Variants in RIMS2 observed in about 807,000 individuals in gnomAD.
RIMS2 encodes regulating synaptic membrane exocytosis 2, also known as regulating synaptic membrane exocytosis protein 2.
RIMS2 carries 59 observed loss-of-function variants against 174.4 expected under a neutral mutation model. The ratio of observed to expected loss-of-function variants is 0.34; its 90% CI spans 0.27 to 0.42. The LOEUF (loss-of-function observed/expected upper bound fraction) is 0.42. Ranked by LOEUF, RIMS2 falls within the 10% of genes least tolerant of loss-of-function variation. The probability of loss-of-function intolerance (pLI) is 1.00; values close to 1 mark genes in which losing one functional copy is unlikely to be tolerated. For synonymous variants in RIMS2, 606 were observed against 572.5 expected (o/e 1.06, Z -0.84); for missense variants, 1,620 against 1,666.3 (o/e 0.97, Z 0.48).
chr8:103,813,949 G>A (rs1263029695), intron 3 of RIMS2, among the ~76,000 whole-genome samples: 3 of 152,090 alleles, frequency 2.0e-5, no homozygotes, highest in Non-Finnish European at 2.9e-5. Context: ...ACATGCACTC[G>A]TATGTTCATT....
chr8:103,506,946 GACTT>G (rs1823969325), intron 1 of RIMS2, among the ~76,000 whole-genome samples: 1 of 152,098 alleles, frequency 6.6e-6, no homozygotes, highest in Non-Finnish European at 1.5e-5. Flanking sequence ...GAATTGAGGG[GACTT>G]ACTTGTGGAA....
At chr8:104,012,416 T>C (rs952519019) in intron 17 of RIMS2, among the ~76,000 whole-genome samples, 1 of 151,730 alleles carries the variant, frequency 6.6e-6, no homozygotes, top group Admixed American at 6.6e-5. Context: ...AGATAACTTA[T>C]AGGTAAAGTG....
chr8:103,856,825 GAGA>G (rs2099030026), intron 3 of RIMS2, among the ~76,000 whole-genome samples: 1 of 146,326 alleles, frequency 6.8e-6, no homozygotes, highest in Admixed American at 6.8e-5. Context: ...TTTTTTCTTT[GAGA>G]AGGAGTCTCG....
At chr8:103,503,633 A>T (rs960929602) in intron 1 of RIMS2, among the ~76,000 whole-genome samples, 1 of 152,030 alleles carries the variant, frequency 6.6e-6, no homozygotes, top group African/African-American at 2.4e-5. Flanking sequence ...TTTAACATTT[A>T]TGTTAAAAAA....
intron 19 of RIMS2, among the ~76,000 whole-genome samples, chr8:104,069,708 T>C (rs1301264580): frequency 1.3e-5 from 2 of 152,030 alleles, no homozygotes; most frequent in Admixed American, 1.3e-4. Flanking sequence ...GACCTGGCGA[T>C]CCGCCTGCCT....
chr8:103,902,551 C>A (rs2073382125), intron 4 of RIMS2, among the ~76,000 whole-genome samples: 1 of 152,010 alleles, frequency 6.6e-6, no homozygotes, highest in African/African-American at 2.4e-5. Context: ...CATAATATAC[C>A]CTATATATGA....
chr8:103,647,225 C>T (rs951091585), intron 1 of RIMS2, among the ~76,000 whole-genome samples: 4 of 152,090 alleles, frequency 2.6e-5, no homozygotes, highest in African/African-American at 4.8e-5. Context: ...CTGCTGGATT[C>T]GGTTTGCCAG....
chr8:103,840,970 C>T (rs2098936267), intron 3 of RIMS2, among the ~76,000 whole-genome samples: 1 of 152,076 alleles, frequency 6.6e-6, no homozygotes, highest in South Asian at 2.1e-4. Flanking sequence ...AAGCTTCCTG[C>T]ATCAGTGAAG....
At chr8:104,037,199 A>C (rs2154557133) in intron 19 of RIMS2, among the ~76,000 whole-genome samples, 1 of 152,272 alleles carries the variant, frequency 6.6e-6, no homozygotes, top group Non-Finnish European at 1.5e-5. Flanking sequence ...TGTATCACTG[A>C]GGTCCTCCTA....
intron 3 of RIMS2, among the ~76,000 whole-genome samples, chr8:103,777,236 A>G (rs2098328482): frequency 6.6e-6 from 1 of 152,068 alleles, no homozygotes; most frequent in Admixed American, 6.6e-5. Flanking sequence ...GAATTATAAG[A>G]AAAAAGGAGG....
intron 19 of RIMS2, among the ~76,000 whole-genome samples, chr8:104,135,029 T>C (rs2098506745): frequency 6.6e-6 from 1 of 152,192 alleles, no homozygotes. Flanking sequence ...TTGAAATTCA[T>C]GAAGTTTTTT....
chr8:103,944,467 T>C (rs561733892), intron 14 of RIMS2, among the ~76,000 whole-genome samples: 75 of 152,168 alleles, frequency 4.9e-4, no homozygotes, highest in African/African-American at 1.8e-3. Flanking sequence ...CATCTTCTTT[T>C]CATTCGGGAC....
At chr8:103,600,834 T>G (rs2094701337) in intron 1 of RIMS2, among the ~76,000 whole-genome samples, 1 of 152,172 alleles carries the variant, frequency 6.6e-6, no homozygotes, top group Non-Finnish European at 1.5e-5. Context: ...AGGGTTCCCT[T>G]TTTTTTCACA....
chr8:103,703,926 G>T (rs1372863686), intron 2 of RIMS2, among the ~76,000 whole-genome samples: 1 of 151,962 alleles, frequency 6.6e-6, no homozygotes, highest in East Asian at 1.9e-4. Context: ...TGTGTTATCT[G>T]TGTAAAAGTC....
chr8:104,224,651 A>G (rs1053383239), intron 19 of RIMS2, among the ~76,000 whole-genome samples: 5 of 152,274 alleles, frequency 3.3e-5, no homozygotes, highest in South Asian at 2.1e-4. Flanking sequence ...CTATTTTTGT[A>G]AATAACAGGG....
Position 103,768,163 on chromosome 8 carries a change from G to GA in RIMS2, c.698+1633dup, listed in dbSNP as rs201240344. The stretch of plus-strand genomic sequence containing the variant: ...GGCAGTTATAATGGTCAAGGTATAT[G>GA]AAAAAAATAGATAACCAGTGGAGAT... On this transcript the variant is annotated intron_variant, in intron 3 of 23. Coordinates refer to ENST00000504942, the Ensembl canonical transcript of RIMS2. The GA allele has an allele frequency of 2.4e-3, 846 of 348,042 alleles. 11 individuals carry two copies. Among genetic ancestry groups the GA allele is most frequent in the African/African-American group, 0.014 (667 of 47,130 alleles). The allele number at this position is 348,042 out of a possible 1,614,324, so 21.6% of individuals were successfully genotyped here. A position where few individuals can be genotyped will look rare whatever the true frequency, so the allele number is the denominator to read the frequency against.
intron 2 of RIMS2, among the ~76,000 whole-genome samples, chr8:103,745,242 G>A (rs1309072108): frequency 6.6e-6 from 1 of 152,026 alleles, no homozygotes; most frequent in Non-Finnish European, 1.5e-5. Flanking sequence ...GGAGTTATCT[G>A]TACTGGACAT....
intron 1 of RIMS2, among the ~76,000 whole-genome samples, chr8:103,511,341 T>C (rs1826342263): frequency 6.6e-6 from 1 of 152,202 alleles, no homozygotes; most frequent in African/African-American, 2.4e-5. Context: ...AATATTTTCA[T>C]ATGCAGTATT....
intron 19 of RIMS2, among the ~76,000 whole-genome samples, chr8:104,216,765 A>G (rs2099131791): frequency 6.6e-6 from 1 of 152,212 alleles, no homozygotes; most frequent in Non-Finnish European, 1.5e-5. Flanking sequence ...CTACAGCGTG[A>G]GCTTCATGAA....
Sources: allele counts gnomAD v4.1 joint callset (sites outside exome capture counted in the v4.1 genomes callset), GRCh38; gene constraint gnomAD v4.1.1; transcripts MANE v1.5; gene names NCBI Gene and HGNC (gene_info 2026-07-23, HGNC 2026-07-21).